Variants in DAGLA observed in about 807,000 individuals in gnomAD.
The protein encoded by DAGLA is diacylglycerol lipase-alpha.
DAGLA carries 22 observed loss-of-function variants against 102.6 expected under a neutral mutation model. That is an observed-to-expected ratio of 0.21 (90% CI 0.15 to 0.31). The LOEUF is 0.31. Ranked by LOEUF, DAGLA falls within the 10% of genes least tolerant of loss-of-function variation. The pLI, the probability that DAGLA is intolerant of heterozygous loss-of-function variation, is 1.00. For missense variants in DAGLA, 927 were observed against 1,446.6 expected, an observed-to-expected ratio of 0.64 and a Z score of 5.83; for synonymous variants, 578 against 628.9, an observed-to-expected ratio of 0.92 and a Z score of 1.21.
intron 1 of DAGLA, among the ~76,000 whole-genome samples, chr11:61,708,092 C>G (rs2065164596): frequency 6.6e-6 from 1 of 152,160 alleles, no homozygotes; most frequent in African/African-American, 2.4e-5. Flanking sequence ...ATTGCAACCT[C>G]TGCCTCCCTG....
At chr11:61,721,013 A>T (rs1387403909) in intron 3 of DAGLA, 123 bp downstream of exon 3, 1 of 884,894 alleles carries the variant, frequency 1.1e-6, no homozygotes. Flanking sequence ...TACAGCAGTG[A>T]ACTAAGGCCT....
At chr11:61,741,479 A>G in intron 19 of DAGLA, 130 bp downstream of exon 19, 1 of 1,028,894 alleles carries the variant, frequency 9.7e-7, no homozygotes, top group Non-Finnish European at 1.4e-6. Context: ...GGTCAAACTC[A>G]CCCTCTGTGC....
intron 19 of DAGLA, among the ~76,000 whole-genome samples, chr11:61,741,676 A>G (rs1446181388): frequency 6.8e-6 from 1 of 146,144 alleles, no homozygotes; most frequent in African/African-American, 2.6e-5. Context: ...CAATGGCGCG[A>G]CCTTGGCTCA....
At chr11:61,693,030 G>A (rs61898526) in intron 1 of DAGLA, among the ~76,000 whole-genome samples, 1 of 147,660 alleles carries the variant, frequency 6.8e-6, no homozygotes, top group Non-Finnish European at 1.5e-5. Context: ...TTTTTTTTTG[G>A]TGAGATTGAG....
intron 1 of DAGLA, among the ~76,000 whole-genome samples, chr11:61,694,338 G>A (rs940224330): frequency 3.3e-5 from 5 of 152,344 alleles, no homozygotes; most frequent in African/African-American, 4.8e-5. Flanking sequence ...GAGTTTGCGC[G>A]TAAATGGCTG....
At chr11:61,730,518 T>A (rs554715539) in intron 8 of DAGLA, among the ~76,000 whole-genome samples, 57 of 152,152 alleles carry the variant, frequency 3.7e-4, no homozygotes, top group African/African-American at 1.4e-3. Context: ...CTAACCACCC[T>A]CCTTAACTTT....
At chr11:61,706,715 C>G (rs1288483577) in intron 1 of DAGLA, among the ~76,000 whole-genome samples, 1 of 152,218 alleles carries the variant, frequency 6.6e-6, no homozygotes, top group Non-Finnish European at 1.5e-5. Flanking sequence ...GCCGAGGTCC[C>G]CTAGCTCTCG....
At chr11:61,740,102 G>A (rs1027609173) in intron 17 of DAGLA, among the ~76,000 whole-genome samples, 1 of 152,244 alleles carries the variant, frequency 6.6e-6, no homozygotes, top group African/African-American at 2.4e-5. Context: ...CAAGTGGGTA[G>A]ACCTTTCCCA....
Position 61,735,011 on chromosome 11 carries a change from G to A in DAGLA, c.1128+9G>A, listed in dbSNP as rs758073213. 4.3e-6 allele frequency: 7 copies of A among 1,611,438 alleles called. No individual in the cohort carries two copies. The East Asian group carries it at 8.9e-5, about 21-fold the overall frequency. ...CCTCCTGCCATGATGCGGTGAGGCC[G>A]GGCAGGGCTGGGGCCTGGTGTCAGG... On this transcript the variant is annotated intron_variant, in intron 10 of 19. Transcript: ENST00000257215.
Position 61,684,435 on chromosome 11 carries a change from G to A in DAGLA, c.-45+3931G>A, listed in dbSNP as rs751409097. On this transcript the variant is annotated intron_variant, in intron 1 of 19. Coordinates refer to ENST00000257215, the MANE Select transcript of DAGLA (RefSeq NM_006133.3). This position sits in a 1 kb window ranked among gnomAD's most constrained non-coding sequence, Gnocchi z 4.5. ...TTTCTGATACTGACTTGGGCTGGGC[G>A]TGGTCTTTCTGGGTTGGATGGGAAG... Among the ~76,000 whole-genome samples the A allele has an allele frequency of 2.6e-5, 4 of 152,182 alleles. No homozygotes were observed. Among genetic ancestry groups the A allele is most frequent in the Admixed American group, 1.3e-4 (2 of 15,274 alleles).
rs1052402471 is a variant in DAGLA at position 61,739,732 on chromosome 11, C to T, written c.1853+71C>T. 1.0e-5 allele frequency: 15 copies of T among 1,496,186 alleles called. 1 individual carries two copies. The South Asian group carries it at 1.8e-4, about 18-fold the overall frequency. The allele number at this position is 1,496,186 out of a possible 1,614,324, so 92.7% of individuals were successfully genotyped here. A position where few individuals can be genotyped will look rare whatever the true frequency, so the allele number is the denominator to read the frequency against. ...CAGGGGCAGTGGAGAGCAGGGCCGG[C>T]CTTGGCTCAATCACCGCTCGGGGCT... On this transcript the variant is annotated intron_variant, in intron 17 of 19. Transcript: ENST00000257215.
intron 5 of DAGLA, among the ~76,000 whole-genome samples, chr11:61,724,678 G>A (rs905177259): frequency 6.6e-5 from 10 of 152,124 alleles, no homozygotes; most frequent in Middle Eastern, 3.2e-3. Flanking sequence ...CTGTGGCCAC[G>A]TCCCAGCCCA....
At position 61,734,155 on chromosome 11, in the gene DAGLA, C is replaced by T. The variant is rs1410324502; in HGVS notation, c.975-694C>T. Among the ~76,000 whole-genome samples, 1 of 152,036 alleles carries T rather than the reference C, an allele frequency of 6.6e-6. No individual in the cohort carries two copies. The highest frequency in any genetic ancestry group is 1.5e-5 in the Non-Finnish European group (1 of 68,000). ...TCGAGGCCACCATGACAGTCCCAGG[C>T]AGAGCTGCCAGGGCAGGGGTAGGGG... On this transcript the variant is annotated intron_variant, in intron 9 of 19. Coordinates refer to ENST00000257215, the MANE Select transcript of DAGLA (RefSeq NM_006133.3). This position sits in a 1 kb window ranked among gnomAD's most constrained non-coding sequence, Gnocchi z 4.2.
intron 9 of DAGLA, among the ~76,000 whole-genome samples, chr11:61,731,878 T>G (rs895883868): frequency 2.0e-5 from 3 of 152,202 alleles, no homozygotes; most frequent in African/African-American, 7.2e-5. Flanking sequence ...TCCCCTCATG[T>G]GCTCTGCCTT....
intron 1 of DAGLA, among the ~76,000 whole-genome samples, chr11:61,712,575 C>T (rs568994584): frequency 4.6e-5 from 7 of 152,208 alleles, no homozygotes; most frequent in African/African-American, 1.4e-4. Flanking sequence ...GGGCAGGCTC[C>T]GCTCTGCCTT....
intron 14 of DAGLA, 55 bp from the exon 15 acceptor site, chr11:61,737,632 G>A: frequency 6.5e-7 from 1 of 1,538,534 alleles, no homozygotes; most frequent in South Asian, 1.1e-5. Flanking sequence ...CCCGATTCCG[G>A]AACACCACCA....
intron 1 of DAGLA, among the ~76,000 whole-genome samples, chr11:61,688,650 T>TG (rs2065003332): frequency 6.6e-6 from 1 of 152,098 alleles, no homozygotes; most frequent in Admixed American, 6.5e-5. Flanking sequence ...AGGGGGCCCG[T>TG]GGGGGGTTCT....
Position 61,739,594 on chromosome 11 carries a change from A to G in DAGLA, c.1786A>G (p.Ser596Gly). The change falls in exon 17 of 20, where the codon AGC becomes GGC. Residue 596 changes from serine (S) to glycine (G), a missense_variant. This residue lies in a region of DAGLA where 218 missense variants were observed against 459.6 expected (regional missense o/e 0.47). Coordinates refer to ENST00000257215, the MANE Select transcript of DAGLA (RefSeq NM_006133.3). ...PSDLTIALSA[S>G]TPLYPPGRII... ...CGACCTAACTATAGCCCTCTCAGCC[A>G]GCACTCCACTCTACCCGCCCGGCCG... The G allele has an allele frequency of 6.2e-7, 1 of 1,614,132 alleles. No individual in the cohort carries two copies. Among genetic ancestry groups the G allele is most frequent in the Non-Finnish European group, 8.5e-7 (1 of 1,180,028 alleles).
At chr11:61,705,082 A>C (rs1022145751) in intron 1 of DAGLA, among the ~76,000 whole-genome samples, 5 of 152,160 alleles carry the variant, frequency 3.3e-5, no homozygotes, top group African/African-American at 1.2e-4. Flanking sequence ...CACAGAGCCC[A>C]GGGCTGACTC....
Sources: gnomAD v4.1 joint callset for allele counts (sites outside exome capture counted in the v4.1 genomes callset) on GRCh38, gnomAD v4.1.1 for gene constraint, gnomAD v4.1.1 regional missense constraint, Gnocchi (gnomAD v3.1) non-coding constraint, MANE v1.5 for transcripts, NCBI Gene and HGNC (gene_info 2026-07-23, HGNC 2026-07-21) for gene names.